Variants in ADAM22 observed in about 807,000 individuals in gnomAD.
ADAM22 encodes the protein disintegrin and metalloproteinase domain-containing protein 22.
A neutral mutation model predicts 144.6 loss-of-function variants in ADAM22; 65 were observed. That is an observed-to-expected ratio of 0.45 (90% CI 0.37 to 0.55). The LOEUF is 0.55. Ranked by LOEUF, ADAM22 falls within the 20% of genes least tolerant of loss-of-function variation. The pLI is 0.00. For missense variants in ADAM22, 974 were observed against 1,184.9 expected (o/e 0.82, Z 2.61); for synonymous variants, 391 against 412.6 (o/e 0.95, Z 0.63).
intron 2 of ADAM22, among the ~76,000 whole-genome samples, chr7:87,973,228 C>T (rs181206593): frequency 2.0e-3 from 297 of 152,220 alleles, no homozygotes; most frequent in African/African-American, 7.0e-3. Context: ...CTACAACGAA[C>T]TCAAACAAAT....
At chr7:88,013,802 A>G (rs1432785440) in intron 3 of ADAM22, among the ~76,000 whole-genome samples, 4 of 152,196 alleles carry the variant, frequency 2.6e-5, no homozygotes, top group African/African-American at 9.7e-5. Flanking sequence ...TCATAGGAAA[A>G]GTGTTTCCCA....
chr7:88,167,564 C>G (rs1162134876), intron 24 of ADAM22, among the ~76,000 whole-genome samples: 1 of 152,144 alleles, frequency 6.6e-6, no homozygotes, highest in Non-Finnish European at 1.5e-5. Flanking sequence ...GTTTCCTTCT[C>G]TAGAATGCCA....
intron 20 of ADAM22, among the ~76,000 whole-genome samples, chr7:88,152,163 C>G (rs1838584690): frequency 6.6e-6 from 1 of 152,050 alleles, no homozygotes; most frequent in African/African-American, 2.4e-5. Flanking sequence ...CAGGTTTGTA[C>G]TCCGAAAAAA....
chr7:87,986,343 T>C (rs533502427), intron 3 of ADAM22, among the ~76,000 whole-genome samples: 13 of 152,262 alleles, frequency 8.5e-5, no homozygotes, highest in African/African-American at 2.6e-4. Flanking sequence ...GCCTTGTTGT[T>C]AGAGGGGCAG....
intron 14 of ADAM22, among the ~76,000 whole-genome samples, chr7:88,142,069 G>A (rs1195335731): frequency 6.6e-6 from 1 of 151,984 alleles, no homozygotes; most frequent in Non-Finnish European, 1.5e-5. Flanking sequence ...CAAACCTGAA[G>A]AAGAGTTGCA....
chr7:87,954,977 C>T (rs1846281231), intron 2 of ADAM22, among the ~76,000 whole-genome samples: 1 of 152,198 alleles, frequency 6.6e-6, no homozygotes, highest in African/African-American at 2.4e-5. Context: ...CCTTGGCTTT[C>T]AGCTCCATCA....
rs1831436064 is a variant in ADAM22, at chr7:88,130,281, T to TG, written c.754-107_754-106insG. ...ACATTTTTACAGAAAAGATTTTTTT[T>TG]TTTTTTACATTTTTAGGGATCTTTC... On this transcript the variant is annotated intron_variant, in intron 9 of 31. Coordinates refer to ENST00000413139, the MANE Select transcript of ADAM22 (RefSeq NM_001324418.2). 10 of 823,826 alleles carry TG rather than the reference T, an allele frequency of 1.2e-5. No homozygotes were observed. In the East Asian group the frequency reaches 2.8e-4, roughly 23 times the overall value. The allele number at this position is 823,826 out of a possible 1,614,324, so 51.0% of individuals were successfully genotyped here.
intron 14 of ADAM22, among the ~76,000 whole-genome samples, 199 bp downstream of exon 14, chr7:88,136,230 T>A (rs2129504969): frequency 6.6e-6 from 1 of 152,354 alleles, no homozygotes; most frequent in African/African-American, 2.4e-5. Flanking sequence ...TCTTTAGCCT[T>A]ACATCTAGGC....
intron 2 of ADAM22, among the ~76,000 whole-genome samples, chr7:87,954,081 C>G (rs1183548591): frequency 6.6e-6 from 1 of 152,098 alleles, no homozygotes; most frequent in Non-Finnish European, 1.5e-5. Flanking sequence ...ACTGATGGGT[C>G]TTGACTCTTT....
chr7:88,082,942 G>T (rs187408365), intron 4 of ADAM22, among the ~76,000 whole-genome samples: 1 of 152,096 alleles, frequency 6.6e-6, no homozygotes, highest in Non-Finnish European at 1.5e-5. Flanking sequence ...ATTCCTCAGG[G>T]ATCTAGAACT....
chr7:87,953,690 G>T (rs1845833450), intron 2 of ADAM22, among the ~76,000 whole-genome samples: 1 of 151,908 alleles, frequency 6.6e-6, no homozygotes, highest in East Asian at 1.9e-4. Flanking sequence ...CAATTCCTGG[G>T]TATCCTTGTT....
chr7:87,984,781 A>G (rs1295764700), intron 3 of ADAM22, among the ~76,000 whole-genome samples: 2 of 152,058 alleles, frequency 1.3e-5, no homozygotes, highest in Admixed American at 1.3e-4. Flanking sequence ...CCTGGGCTCA[A>G]GCAATCCTCC....
At chr7:88,186,524 G>A in intron 29 of ADAM22, 91 bp from the exon 30 acceptor site, 2 of 845,300 alleles carry the variant, frequency 2.4e-6, no homozygotes, top group South Asian at 1.4e-5. Context: ...TGCATTTGGA[G>A]GGTGAAGACA....
intron 3 of ADAM22, among the ~76,000 whole-genome samples, chr7:88,053,163 C>G (rs1806994917): frequency 6.6e-6 from 1 of 152,096 alleles, no homozygotes; most frequent in Non-Finnish European, 1.5e-5. Flanking sequence ...GACACACAGA[C>G]ACACATACTT....
intron 25 of ADAM22, among the ~76,000 whole-genome samples, chr7:88,169,065 G>T (rs1251380506): frequency 1.3e-5 from 2 of 152,084 alleles, no homozygotes. Context: ...CTATGTAATT[G>T]TTTGCTATTA....
intron 27 of ADAM22, among the ~76,000 whole-genome samples, 157 bp downstream of exon 27, chr7:88,179,286 A>G (rs1846408374): frequency 6.6e-6 from 1 of 152,128 alleles, no homozygotes; most frequent in African/African-American, 2.4e-5. Context: ...CTCTGAATCT[A>G]TATAGAAACC....
intron 29 of ADAM22, chr7:88,185,696 ACT>A (rs1563422297): frequency 1.3e-5 from 2 of 152,250 alleles, no homozygotes; most frequent in African/African-American, 4.8e-5. Flanking sequence ...ATCAAAGGAA[ACT>A]CTGGGGAAAA....
chr7:88,194,483 T>C (rs1049041077), intron 31 of ADAM22, among the ~76,000 whole-genome samples: 1 of 152,184 alleles, frequency 6.6e-6, no homozygotes, highest in Non-Finnish European at 1.5e-5. Context: ...GGGCTGTCTC[T>C]GTGGGCTGTG....
At chr7:88,122,684 C>T (rs948777000) in intron 7 of ADAM22, among the ~76,000 whole-genome samples, 1 of 152,080 alleles carries the variant, frequency 6.6e-6, no homozygotes, top group Non-Finnish European at 1.5e-5. Context: ...AGTTATCTGC[C>T]CTATGTAGTC....
Sources: allele counts gnomAD v4.1 joint callset (sites outside exome capture counted in the v4.1 genomes callset), GRCh38; gene constraint gnomAD v4.1.1; transcripts MANE v1.5; gene names NCBI Gene and HGNC (gene_info 2026-07-23, HGNC 2026-07-21).